Variants in DYNC2H1 observed in about 807,000 individuals in gnomAD.
The protein encoded by DYNC2H1 is dynein cytoplasmic 2 heavy chain 1.
A neutral mutation model predicts 570.0 loss-of-function variants in DYNC2H1; 410 were observed. The ratio of observed to expected loss-of-function variants is 0.72; its 90% CI spans 0.66 to 0.78. DYNC2H1 has a LOEUF of 0.78. Among genes scored for constraint, DYNC2H1 ranks in the 30% least tolerant of loss-of-function variants. DYNC2H1 has a pLI of 0.00. For synonymous variants in DYNC2H1, 1,688 were observed against 1,677.6 expected, an observed-to-expected ratio of 1.01 and a Z score of -0.15; for missense variants, 4,865 against 5,046.4, an observed-to-expected ratio of 0.96 and a Z score of 1.09.
chr11:103,207,301 G>A (rs1340318017), intron 52 of DYNC2H1, among the ~76,000 whole-genome samples: 1 of 150,576 alleles, frequency 6.6e-6, no homozygotes, highest in African/African-American at 2.4e-5. Context: ...ATTTAATAGG[G>A]AAGCAAAAAA....
chr11:103,271,671 C>T (rs1181434765), intron 70 of DYNC2H1, among the ~76,000 whole-genome samples: 1 of 152,114 alleles, frequency 6.6e-6, no homozygotes, highest in African/African-American at 2.4e-5. Context: ...TACTGATCAC[C>T]TTTTGTTAAG....
rs778529441 is a variant in DYNC2H1 at position 103,307,831 on chromosome 11, G to A, written c.11493G>A (p.Glu3831=). The A allele has an allele frequency of 1.9e-6, 3 of 1,559,576 alleles. No individual in the cohort carries two copies. Among genetic ancestry groups the A allele is most frequent in the Non-Finnish European group, 2.6e-6 (3 of 1,142,498 alleles). ...AGTCAAGTCTGAAGATAACATATGA[G>A]GTAAGAAGATTTAAAACTTGGATCA... The part of the protein sequence containing the change: ...LLQSSLKITY[E]SPPGLKKNLM... Residue 3831 remains glutamate (E), a splice_region_variant and synonymous_variant, in exon 78 of 89, where the codon GAG becomes GAA. Coordinates refer to ENST00000375735, the MANE Select transcript of DYNC2H1 (RefSeq NM_001377.3).
intron 59 of DYNC2H1, 57 bp downstream of exon 59, chr11:103,223,143 G>T: frequency 7.1e-7 from 1 of 1,406,144 alleles, no homozygotes; most frequent in South Asian, 1.6e-5. Flanking sequence ...AGTTTGATGA[G>T]GTTTTAATAA....
rs186304639 is a variant in DYNC2H1 at position 103,289,125 on chromosome 11, T to C, written c.11095+1520T>C. 2.0e-5 allele frequency among the ~76,000 whole-genome samples: 3 copies of C among 152,202 alleles called. No individual in the cohort carries two copies. Among genetic ancestry groups the C allele is most frequent in the African/African-American group, 7.2e-5 (3 of 41,534 alleles). ...TAGAAGACAGCAAGAAAACCTCACTTCACCCCCACTGTGATTCCATCTCCA... is the reference window on the plus strand; with the variant it reads ...TAGAAGACAGCAAGAAAACCTCACTCCACCCCCACTGTGATTCCATCTCCA... On this transcript the variant is annotated intron_variant, in intron 75 of 88. Transcript: ENST00000375735. The surrounding 1 kb of genome is among the most constrained non-coding windows in gnomAD (Gnocchi z 4.2).
chr11:103,404,732 CAT>C (rs1379603224), intron 84 of DYNC2H1: 1 of 151,544 alleles, frequency 6.6e-6, no homozygotes, highest in Non-Finnish European at 1.5e-5. Flanking sequence ...TGGGCTACAA[CAT>C]AATATGTGTC....
At chr11:103,356,188 G>A (rs1940327790) in intron 82 of DYNC2H1, among the ~76,000 whole-genome samples, 1 of 152,020 alleles carries the variant, frequency 6.6e-6, no homozygotes. Flanking sequence ...CTTAAAATAT[G>A]AAAAATAGAT....
At chr11:103,142,089 C>T (rs180911346) in intron 17 of DYNC2H1, among the ~76,000 whole-genome samples, 6 of 152,340 alleles carry the variant, frequency 3.9e-5, no homozygotes, top group African/African-American at 1.2e-4. Context: ...GGGATTGACC[C>T]GATTTTCCAG....
chr11:103,387,788 C>T (rs61896839), intron 83 of DYNC2H1, among the ~76,000 whole-genome samples: 1 of 151,954 alleles, frequency 6.6e-6, no homozygotes, highest in Non-Finnish European at 1.5e-5. Flanking sequence ...GTTTTTGTCA[C>T]GTTTGTCAAA....
At chr11:103,413,658 A>C (rs1003106281) in intron 84 of DYNC2H1, among the ~76,000 whole-genome samples, 2 of 152,126 alleles carry the variant, frequency 1.3e-5, no homozygotes, top group Non-Finnish European at 2.9e-5. Context: ...ACTGAACTGC[A>C]TATACTCATC....
At chr11:103,136,683 C>A (rs1272702201) in intron 17 of DYNC2H1, among the ~76,000 whole-genome samples, 1 of 152,156 alleles carries the variant, frequency 6.6e-6, no homozygotes, top group Non-Finnish European at 1.5e-5. Flanking sequence ...CCACAATAAA[C>A]ATACGTGTGC....
Position 103,266,683 on chromosome 11 carries a change from G to A in DYNC2H1, c.10695+6706G>A, listed in dbSNP as rs181973792. Among the ~76,000 whole-genome samples, 4 of 152,312 alleles carry A rather than the reference G, an allele frequency of 2.6e-5. No individual in the cohort carries two copies. In the South Asian group the frequency reaches 6.2e-4, roughly 24 times the overall value. The stretch of plus-strand genomic sequence containing the variant: ...TGCTGTGGATCGTGGGGAAGCTGGA[G>A]TGTGGGGAGGGAGCGCATGGGCTGG... On this transcript the variant is annotated intron_variant, in intron 70 of 88. Transcript: ENST00000375735.
rs1252539726 is a variant in DYNC2H1 at position 103,113,531 on chromosome 11, C to G, written c.196-6C>G. 2.6e-6 allele frequency: 4 copies of G among 1,520,510 alleles called. No individual in the cohort carries two copies. The Admixed American group carries it at 8.8e-5, about 34-fold the overall frequency. 94.2% of individuals were successfully genotyped at this position (1,520,510 alleles called of 1,614,324 possible). On this transcript the variant is annotated splice_polypyrimidine_tract_variant and splice_region_variant and intron_variant, in intron 1 of 88. Coordinates refer to ENST00000375735, the MANE Select transcript of DYNC2H1 (RefSeq NM_001377.3). ...AGATAACATTAAAAATCATTTATCA[C>G]TTTAGATTGAGTTTGGTGACACAAA...
In DYNC2H1 at chr11:103,179,174, T is replaced by C. The variant is rs765218814; in HGVS notation, c.6288T>C (p.Thr2096=). 1 of 1,613,144 alleles carries C rather than the reference T, an allele frequency of 6.2e-7. No individual in the cohort carries two copies. The highest frequency in any genetic ancestry group is 1.1e-5 in the South Asian group (1 of 91,066). ...CAAATGTTAACTTTGTATTTGAAAC[T>C]CATGATTTAAGTTGTGCATCACCAG... ...FGPNVNFVFE[T]HDLSCASPAT... The change falls in exon 39 of 89, where the codon ACT becomes ACC. Residue 2096 remains threonine, a synonymous_variant. Transcript: ENST00000375735.
intron 88 of DYNC2H1, among the ~76,000 whole-genome samples, chr11:103,478,632 GA>G (rs1945644029): frequency 6.6e-6 from 1 of 152,180 alleles, no homozygotes; most frequent in Non-Finnish European, 1.5e-5. Flanking sequence ...GCTAGGAAAA[GA>G]GGAGGAAAAG....
At position 103,187,505 on chromosome 11, in the gene DYNC2H1, A is replaced by C; in HGVS notation, c.7059A>C (p.Arg2353Ser). 1 of 1,613,398 alleles carries C rather than the reference A, an allele frequency of 6.2e-7. No homozygotes were observed. The highest frequency in any genetic ancestry group is 8.5e-7 in the Non-Finnish European group (1 of 1,179,502). The change falls in exon 43 of 89, where the codon AGA becomes AGC. Residue 2353 changes from arginine to serine, a missense_variant. Physicochemically the swap from Arg to Ser is moderately radical, Grantham distance 110 (BLOSUM62 -1). This residue lies in a region of DYNC2H1 where 2,401 missense variants were observed against 2,454.6 expected (regional missense o/e 0.98). Transcript: ENST00000375735. ...GRVYRPKDCE[R>S]LVLYLKDINL... ...TATACAGACCAAAAGACTGTGAAAG[A>C]CTTGTTCTGTACTTAAAAGATATCA...
chr11:103,300,055 A>T (rs1039843054), intron 75 of DYNC2H1, among the ~76,000 whole-genome samples: 1 of 152,036 alleles, frequency 6.6e-6, no homozygotes, highest in Non-Finnish European at 1.5e-5. Flanking sequence ...TCTGATACTT[A>T]TCAGCTCTTT....
In DYNC2H1 at chr11:103,121,434, T is replaced by G; in HGVS notation, c.1423T>G (p.Ser475Ala). The G allele has an allele frequency of 1.2e-6, 2 of 1,613,656 alleles. No homozygotes were observed. Among genetic ancestry groups the G allele is most frequent in the Non-Finnish European group, 1.7e-6 (2 of 1,179,712 alleles). Residue 475 changes from serine (S) to alanine (A), a missense_variant, in exon 10 of 89, where the codon TCT becomes GCT. Around this residue, in one of 5 missense-constraint regions of DYNC2H1, gnomAD observed 1,936 missense variants for 1,962.1 expected, o/e 0.99. Coordinates refer to ENST00000375735, the MANE Select transcript of DYNC2H1 (RefSeq NM_001377.3). Reference sequence around the variant, plus strand: ...TCCTGGTGATGCATCTGGACCACTTTCTGGCAAAAATCTTTCAGAAGTTGT... The same window carrying G: ...TCCTGGTGATGCATCTGGACCACTTGCTGGCAAAAATCTTTCAGAAGTTGT... ...GIPGDASGPL[S>A]GKNLSEVVNS...
chr11:103,376,812 T>C (rs1325460754), intron 83 of DYNC2H1, among the ~76,000 whole-genome samples: 1 of 152,260 alleles, frequency 6.6e-6, no homozygotes, highest in Non-Finnish European at 1.5e-5. Context: ...TCATTTTTTG[T>C]AAGGCCACTC....
Position 103,125,111 on chromosome 11 carries a change from G to C in DYNC2H1, c.1673G>C (p.Ser558Thr), listed in dbSNP as rs377679249. The C allele has an allele frequency of 6.2e-7, 1 of 1,612,128 alleles. No individual in the cohort carries two copies. Among genetic ancestry groups the C allele is most frequent in the Non-Finnish European group, 8.5e-7 (1 of 1,178,670 alleles). Reference protein sequence around the residue: ...DSRSGLCIEASSRIMELDSND... With the variant: ...DSRSGLCIEATSRIMELDSND... ...ATTTTGTTTTATAGTATTGAGGCTA[G>C]TAGTCGAATTATGGAATTGGATTCT... Residue 558 changes from serine (S) to threonine (T), a missense_variant, in exon 12 of 89, where the codon AGT becomes ACT. Transcript: ENST00000375735.
Sources: gnomAD v4.1 joint callset for allele counts (sites outside exome capture counted in the v4.1 genomes callset) on GRCh38, gnomAD v4.1.1 for gene constraint, gnomAD v4.1.1 regional missense constraint, Gnocchi (gnomAD v3.1) non-coding constraint, MANE v1.5 for transcripts, NCBI Gene and HGNC (gene_info 2026-07-23, HGNC 2026-07-21) for gene names.